The following MUSTN1 variants were observed in gnomAD, a reference collection of about 807,000 sequenced individuals.
The protein encoded by MUSTN1 is musculoskeletal embryonic nuclear protein 1.
MUSTN1 carries 14 observed loss-of-function variants against 11.8 expected under a neutral mutation model. That is an observed-to-expected ratio of 1.18 (90% CI 0.78 to 1.85). The LOEUF is 1.85. MUSTN1 is among the 40% of genes most tolerant of loss of function. MUSTN1 has a pLI of 0.00. For synonymous variants in MUSTN1, 42 were observed against 43.3 expected (o/e 0.97, Z 0.12); for missense variants, 111 against 108.8 (o/e 1.02, Z -0.09).
At chr3:52,833,587 C>T (rs373362350) in intron 2 of MUSTN1, 30 bp downstream of exon 2, 301 of 1,607,310 alleles carry the variant, frequency 1.9e-4, no homozygotes, top group Middle Eastern at 4.9e-4. Flanking sequence ...CACCCCCATC[C>T]CCAGCCCCAG....
At chr3:52,834,352 C>T (rs1386987253) in intron 1 of MUSTN1, among the ~76,000 whole-genome samples, 1 of 152,124 alleles carries the variant, frequency 6.6e-6, no homozygotes, top group Non-Finnish European at 1.5e-5. Context: ...TACCCTACCC[C>T]TCAACCCCAG....
Position 52,834,960 on chromosome 3 carries a change from T to A in MUSTN1, c.-12A>T, listed in dbSNP as rs775499694. ...CCTACCTGGGACATGGTGGGTATTG[T>A]GTAAGCGCTGGGTCTCTGAAGGCGC... On this transcript the variant is annotated 5_prime_UTR_variant, in exon 1 of 3. Coordinates refer to ENST00000446157, the MANE Select transcript of MUSTN1 (RefSeq NM_205853.4). 1 of 1,613,492 alleles carries A rather than the reference T, an allele frequency of 6.2e-7. No individual in the cohort carries two copies. The highest frequency in any genetic ancestry group is 1.7e-5 in the Admixed American group (1 of 59,994).
chr3:52,833,250 G>T lies in MUSTN1; in HGVS notation c.*74C>A. On this transcript the variant is annotated 3_prime_UTR_variant, in exon 3 of 3. Coordinates refer to ENST00000446157, the MANE Select transcript of MUSTN1 (RefSeq NM_205853.4). ...GACAGCAGGGGAGAGGAAGCGTTCT[G>T]GCATAAAAAAGAGTTCCTGGGAAAG... The T allele has an allele frequency of 6.3e-7, 1 of 1,586,456 alleles. No homozygotes were observed. The highest frequency in any genetic ancestry group is 8.6e-7 in the Non-Finnish European group (1 of 1,164,508).
Position 52,833,229 on chromosome 3 carries a change from G to C in MUSTN1, c.*95C>G. On this transcript the variant is annotated 3_prime_UTR_variant, in exon 3 of 3. Transcript: ENST00000446157. ...GGGGAGGGTGGCAGCCCCAGAGACA[G>C]CAGGGGAGAGGAAGCGTTCTGGCAT... 1 of 1,520,738 alleles carries C rather than the reference G, an allele frequency of 6.6e-7. No individual in the cohort carries two copies. The highest frequency in any genetic ancestry group is 1.4e-5 in the African/African-American group (1 of 72,848). 94.2% of individuals were successfully genotyped at this position (1,520,738 alleles called of 1,614,324 possible).
At chr3:52,833,841 C>T in intron 1 of MUSTN1, 92 bp from the exon 2 acceptor site, 2 of 1,492,516 alleles carry the variant, frequency 1.3e-6, no homozygotes, top group Non-Finnish European at 1.8e-6. Flanking sequence ...CTCTTCTCTG[C>T]TCATTAAACC....
Position 52,833,123 on chromosome 3 carries a change from G to T in MUSTN1, c.*201C>A. 1.3e-6 allele frequency: 1 copy of T among 781,848 alleles called. No individual in the cohort carries two copies. The highest frequency in any genetic ancestry group is 2.2e-6 in the Non-Finnish European group (1 of 456,970). The allele number at this position is 781,848 out of a possible 1,614,324, so 48.4% of individuals were successfully genotyped here. A position where few individuals can be genotyped will look rare whatever the true frequency, so the allele number is the denominator to read the frequency against. On this transcript the variant is annotated 3_prime_UTR_variant, in exon 3 of 3. Coordinates refer to ENST00000446157, the MANE Select transcript of MUSTN1 (RefSeq NM_205853.4). ...AGGGACCAACCAACACCTTCTGATT[G>T]CTGGGGCCACGTGGGCATCCTCTTT... is the stretch of plus-strand genomic sequence containing the variant.
chr3:52,833,561 CACT>C lies in MUSTN1; in HGVS notation c.142+53_142+55del, dbSNP rs1255591236. 6 of 1,596,002 alleles carry C rather than the reference CACT, an allele frequency of 3.8e-6. No homozygotes were observed. The African/African-American group carries it at 4.0e-5, about 11-fold the overall frequency. On this transcript the variant is annotated intron_variant, in intron 2 of 2. Coordinates refer to ENST00000446157, the MANE Select transcript of MUSTN1 (RefSeq NM_205853.4). Reference sequence around the variant, plus strand: ...AGGATCCTTGACCACCTCCCCCCACCACTGACACACACCTGCACCCCCATCCCC... The same window carrying C: ...AGGATCCTTGACCACCTCCCCCCACCGACACACACCTGCACCCCCATCCCC...
intron 2 of MUSTN1, 46 bp from the exon 3 acceptor site, chr3:52,833,476 G>C: frequency 1.3e-6 from 2 of 1,597,740 alleles, no homozygotes; most frequent in Non-Finnish European, 1.7e-6. Flanking sequence ...TTCCTGGGAG[G>C]GAAGATCCCT....
chr3:52,834,954 G>A lies in MUSTN1; in HGVS notation c.-6C>T. On this transcript the variant is annotated 5_prime_UTR_variant, in exon 1 of 3. Transcript: ENST00000446157. The stretch of plus-strand genomic sequence containing the variant: ...GGTCCTCCTACCTGGGACATGGTGG[G>A]TATTGTGTAAGCGCTGGGTCTCTGA... 6.2e-7 allele frequency: 1 copy of A among 1,613,586 alleles called. No homozygotes were observed. Among genetic ancestry groups the A allele is most frequent in the Non-Finnish European group, 8.5e-7 (1 of 1,179,786 alleles).
Position 52,833,394 on chromosome 3 carries a change from C to T in MUSTN1, c.179G>A (p.Arg60His), listed in dbSNP as rs368249757. 39 of 1,613,506 alleles carry T rather than the reference C, an allele frequency of 2.4e-5. No homozygotes were observed. The highest frequency in any genetic ancestry group is 4.4e-5 in the South Asian group (4 of 91,062). ...AGSAAPSVFS[R>H]TRTGTETVFE... The stretch of plus-strand genomic sequence containing the variant: ...GACAGTCTCGGTACCTGTGCGGGTG[C>T]GGCTGAACACCGACGGGGCGGCCGA... The change falls in exon 3 of 3, where the codon CGC becomes CAC. Residue 60 changes from arginine to histidine, a missense_variant. Transcript: ENST00000446157.
intron 2 of MUSTN1, 40 bp from the exon 3 acceptor site, chr3:52,833,470 TGGGAG>T: frequency 1.3e-6 from 2 of 1,599,968 alleles, no homozygotes; most frequent in Non-Finnish European, 1.7e-6. Context: ...CCTAGCTTCC[TGGGAG>T]GGAAGATCCC....
chr3:52,833,136 G>A lies in MUSTN1; in HGVS notation c.*188C>T, dbSNP rs1185291431. The A allele has an allele frequency of 2.4e-6, 2 of 843,962 alleles. No individual in the cohort carries two copies. The highest frequency in any genetic ancestry group is 3.9e-6 in the Non-Finnish European group (2 of 513,258). The allele number at this position is 843,962 out of a possible 1,614,324, so 52.3% of individuals were successfully genotyped here. A position where few individuals can be genotyped will look rare whatever the true frequency, so the allele number is the denominator to read the frequency against. On this transcript the variant is annotated 3_prime_UTR_variant, in exon 3 of 3. Transcript: ENST00000446157. ...CACCTTCTGATTGCTGGGGCCACGT[G>A]GGCATCCTCTTTATTGGTGCTTCCA...
Position 52,833,145 on chromosome 3 carries a change from C to G in MUSTN1, c.*179G>C. ...ATTGCTGGGGCCACGTGGGCATCCT[C>G]TTTATTGGTGCTTCCAAGGTGCTGG... On this transcript the variant is annotated 3_prime_UTR_variant, in exon 3 of 3. Transcript: ENST00000446157. The G allele has an allele frequency of 1.1e-6, 1 of 937,998 alleles. No homozygotes were observed. The highest frequency in any genetic ancestry group is 1.4e-5 in the South Asian group (1 of 72,154). The allele number at this position is 937,998 out of a possible 1,614,324, so 58.1% of individuals were successfully genotyped here. A position where few individuals can be genotyped will look rare whatever the true frequency, so the allele number is the denominator to read the frequency against.
At chr3:52,834,661 C>CACAA in intron 1 of MUSTN1, 1 of 607,658 alleles carries the variant, frequency 1.6e-6, no homozygotes, top group Non-Finnish European at 2.9e-6. Context: ...TGCGCACACA[C>CACAA]ACACACACAC....
chr3:52,833,710 G>T lies in MUSTN1; in HGVS notation c.49C>A (p.Pro17Thr), dbSNP rs747053103. The T allele has an allele frequency of 1.3e-6, 2 of 1,589,918 alleles. No individual in the cohort carries two copies. Among genetic ancestry groups the T allele is most frequent in the East Asian group, 2.3e-5 (1 of 43,748 alleles). The change falls in exon 2 of 3, where the codon CCT becomes ACT. Residue 17 changes from proline to threonine, a missense_variant. Physicochemically the swap from Pro to Thr is conservative, Grantham distance 38 (BLOSUM62 -1). Coordinates refer to ENST00000446157, the MANE Select transcript of MUSTN1 (RefSeq NM_205853.4). ...QEAPIKKKRP[P>T]VKDEDLKGAR... is the part of the protein sequence containing the mutation. ...CCCTTCAGGTCCTCGTCCTTCACAG[G>T]GGGGCGCTTCTTCTTGATAGGGGCT... is the stretch of plus-strand genomic sequence containing the variant.
At position 52,833,599 on chromosome 3, in the gene MUSTN1, T is replaced by C. The variant is rs755985409; in HGVS notation, c.142+18A>G. The C allele has an allele frequency of 8.1e-6, 13 of 1,609,496 alleles. No homozygotes were observed. The East Asian group carries it at 2.7e-4, about 33-fold the overall frequency. ...CTGCACCCCCATCCCCAGCCCCAGA[T>C]GGCATGAGGACACTCACCACACTCT... is the stretch of plus-strand genomic sequence containing the variant. On this transcript the variant is annotated intron_variant, in intron 2 of 2. Coordinates refer to ENST00000446157, the MANE Select transcript of MUSTN1 (RefSeq NM_205853.4).
chr3:52,833,170 G>T lies in MUSTN1; in HGVS notation c.*154C>A. 1 of 1,131,556 alleles carries T rather than the reference G, an allele frequency of 8.8e-7. No individual in the cohort carries two copies. The highest frequency in any genetic ancestry group is 1.3e-6 in the Non-Finnish European group (1 of 772,910). The allele number at this position is 1,131,556 out of a possible 1,614,324, so 70.1% of individuals were successfully genotyped here. A position where few individuals can be genotyped will look rare whatever the true frequency, so the allele number is the denominator to read the frequency against. On this transcript the variant is annotated 3_prime_UTR_variant, in exon 3 of 3. Coordinates refer to ENST00000446157, the MANE Select transcript of MUSTN1 (RefSeq NM_205853.4). ...CTTTATTGGTGCTTCCAAGGTGCTGGTGCAGAGCCCTTGGCTGAAGGGCCT... is the reference window on the plus strand; with the variant it reads ...CTTTATTGGTGCTTCCAAGGTGCTGTTGCAGAGCCCTTGGCTGAAGGGCCT...
Position 52,834,983 on chromosome 3 carries a change from C to T in MUSTN1, c.-35G>A, listed in dbSNP as rs766478624. 3.8e-5 allele frequency: 62 copies of T among 1,612,830 alleles called. No individual in the cohort carries two copies. Among genetic ancestry groups the T allele is most frequent in the African/African-American group, 2.1e-4 (16 of 74,892 alleles). On this transcript the variant is annotated 5_prime_UTR_variant, in exon 1 of 3. Transcript: ENST00000446157. Reference sequence around the variant, plus strand: ...TGTGTAAGCGCTGGGTCTCTGAAGGCGCCTCTCTGGCAGGCAGCAGCTGCT... The same window carrying T: ...TGTGTAAGCGCTGGGTCTCTGAAGGTGCCTCTCTGGCAGGCAGCAGCTGCT...
intron 1 of MUSTN1, among the ~76,000 whole-genome samples, chr3:52,834,507 C>T (rs76029595): frequency 0.1 from 15,766 of 152,118 alleles, 1,076 homozygotes; most frequent in Non-Finnish European, 0.15. Context: ...CATGTGCACA[C>T]ACATACAGCT....
Sources: gnomAD v4.1 joint callset for allele counts (sites outside exome capture counted in the v4.1 genomes callset) on GRCh38, gnomAD v4.1.1 for gene constraint, MANE v1.5 for transcripts, NCBI Gene and HGNC (gene_info 2026-07-23, HGNC 2026-07-21) for gene names.